Variants in PDE6C observed in about 807,000 individuals in gnomAD.
The protein encoded by PDE6C is phosphodiesterase 6C.
Under a neutral mutation model 113.1 loss-of-function variants are expected in PDE6C, and 75 were observed. The ratio of observed to expected loss-of-function variants is 0.66; its 90% CI spans 0.55 to 0.80. The LOEUF is 0.80. Ranked by LOEUF, PDE6C falls within the 30% of genes least tolerant of loss-of-function variation. The probability of loss-of-function intolerance (pLI) is 0.00; values close to 1 mark genes in which losing one functional copy is unlikely to be tolerated. For missense variants in PDE6C, 912 were observed against 1,038.6 expected (o/e 0.88, Z 1.67); for synonymous variants, 375 against 363.7 (o/e 1.03, Z -0.35).
At chr10:93,615,008 T>C (rs2058413428) in intron 1 of PDE6C, among the ~76,000 whole-genome samples, 1 of 152,186 alleles carries the variant, frequency 6.6e-6, no homozygotes, top group Non-Finnish European at 1.5e-5. Flanking sequence ...AAAACCATAT[T>C]AAGCTGTGTG....
chr10:93,634,702 G>A, intron 8 of PDE6C, 56 bp from the exon 9 acceptor site: 1 of 1,578,776 alleles, frequency 6.3e-7, no homozygotes, highest in Non-Finnish European at 8.7e-7. Flanking sequence ...GTGAATTTAT[G>A]ATTATTTCAA....
intron 7 of PDE6C, among the ~76,000 whole-genome samples, chr10:93,627,463 A>G (rs975210396): frequency 6.6e-6 from 1 of 152,142 alleles, no homozygotes; most frequent in Non-Finnish European, 1.5e-5. Flanking sequence ...TTTGGAATCC[A>G]ATGACTATGA....
chr10:93,630,664 C>T (rs112923892), intron 8 of PDE6C, among the ~76,000 whole-genome samples: 1 of 152,228 alleles, frequency 6.6e-6, no homozygotes, highest in African/African-American at 2.4e-5. Flanking sequence ...GTCTGTTTTT[C>T]TGTCTCTCTC....
At chr10:93,650,887 AT>A (rs911817054) in intron 15 of PDE6C, among the ~76,000 whole-genome samples, 1 of 151,090 alleles carries the variant, frequency 6.6e-6, no homozygotes, top group African/African-American at 2.4e-5. Flanking sequence ...TATATGATAT[AT>A]TTTTTTACCA....
At chr10:93,634,055 C>G (rs1270854752) in intron 8 of PDE6C, among the ~76,000 whole-genome samples, 1 of 151,840 alleles carries the variant, frequency 6.6e-6, no homozygotes, top group South Asian at 2.1e-4. Context: ...TGGAATTTCA[C>G]TCTGCTGCCC....
rs576377233 is a variant in PDE6C at position 93,638,168 on chromosome 10, C to CTGT, written c.1482+1107_1482+1109dup. ...TAATTTCCTTACTAACTGCTATAACCTGTTTTCCACCATCTCTTTCCGATC... is the reference window on the plus strand; with the variant it reads ...TAATTTCCTTACTAACTGCTATAACCTGTTGTTTTCCACCATCTCTTTCCGATC... On this transcript the variant is annotated intron_variant, in intron 11 of 21. Transcript: ENST00000371447. Among the ~76,000 whole-genome samples, 3 of 152,290 alleles carry CTGT rather than the reference C, an allele frequency of 2.0e-5. No individual in the cohort carries two copies. The East Asian group carries it at 5.8e-4, about 29-fold the overall frequency.
chr10:93,636,897 AT>A, intron 10 of PDE6C, 97 bp from the exon 11 acceptor site: 2 of 748,966 alleles, frequency 2.7e-6, no homozygotes, highest in Non-Finnish European at 2.4e-6. Context: ...CCTCCCACAT[AT>A]TTTAAATATA....
At chr10:93,660,731 T>C (rs547159723) in intron 18 of PDE6C, among the ~76,000 whole-genome samples, 12 of 152,158 alleles carry the variant, frequency 7.9e-5, no homozygotes, top group Non-Finnish European at 1.8e-4. Flanking sequence ...TCTTTATCGA[T>C]GAGGTCACCC....
chr10:93,652,453 ATGAG>A (rs1236212489), intron 15 of PDE6C, among the ~76,000 whole-genome samples: 2 of 152,210 alleles, frequency 1.3e-5, no homozygotes, highest in South Asian at 2.1e-4. Context: ...AAAAATGAAA[ATGAG>A]TGAGAAGAAA....
chr10:93,642,799 G>A (rs1456710637), intron 14 of PDE6C, among the ~76,000 whole-genome samples: 1 of 152,200 alleles, frequency 6.6e-6, no homozygotes, highest in Non-Finnish European at 1.5e-5. Flanking sequence ...ATTTCATTGA[G>A]CGAAAAGCAC....
intron 14 of PDE6C, 143 bp from the exon 15 acceptor site, chr10:93,645,817 C>A (rs1315352488): frequency 4.7e-6 from 3 of 643,360 alleles, no homozygotes; most frequent in Admixed American, 2.3e-5. Flanking sequence ...TCTAGAAAAT[C>A]TTTTCCAATA....
chr10:93,629,594 G>A (rs994820794), intron 8 of PDE6C, among the ~76,000 whole-genome samples: 14 of 152,192 alleles, frequency 9.2e-5, no homozygotes, highest in Admixed American at 2.0e-4. Flanking sequence ...ACCAGGGACC[G>A]GTTTTGTGGA....
At chr10:93,636,618 A>AT (rs1198813688) in intron 10 of PDE6C, among the ~76,000 whole-genome samples, 2 of 152,126 alleles carry the variant, frequency 1.3e-5, no homozygotes, top group Non-Finnish European at 2.9e-5. Flanking sequence ...CTTTAAAAAA[A>AT]CCAGCTACTG....
intron 8 of PDE6C, among the ~76,000 whole-genome samples, chr10:93,630,305 C>T (rs2058494510): frequency 6.6e-6 from 1 of 151,948 alleles, no homozygotes. Flanking sequence ...AACCTGGCTG[C>T]AGACCCGAGT....
intron 13 of PDE6C, 28 bp downstream of exon 13, chr10:93,640,585 T>C (rs374719894): frequency 1.4e-6 from 2 of 1,385,374 alleles, no homozygotes; most frequent in Non-Finnish European, 2.1e-6. Flanking sequence ...TAAATCCTTG[T>C]AAACCTGCAG....
intron 8 of PDE6C, among the ~76,000 whole-genome samples, chr10:93,630,983 T>C (rs891467067): frequency 1.3e-5 from 2 of 152,200 alleles, no homozygotes; most frequent in Non-Finnish European, 2.9e-5. Flanking sequence ...GCGACAATGA[T>C]TTTCTAGAGT....
chr10:93,634,737 G>A (rs201189532), intron 8 of PDE6C, 21 bp from the exon 9 acceptor site: 15 of 1,613,578 alleles, frequency 9.3e-6, no homozygotes, highest in East Asian at 4.5e-5. Context: ...AAAATAACTT[G>A]AGGTCCCTTC....
At chr10:93,645,203 G>A (rs987460269) in intron 14 of PDE6C, among the ~76,000 whole-genome samples, 4 of 151,940 alleles carry the variant, frequency 2.6e-5, no homozygotes, top group Admixed American at 6.6e-5. Flanking sequence ...AATTATGATC[G>A]ATTGTAATAT....
intron 8 of PDE6C, among the ~76,000 whole-genome samples, chr10:93,632,856 A>T (rs542679385): frequency 2.4e-4 from 37 of 152,334 alleles, no homozygotes; most frequent in African/African-American, 8.9e-4. Flanking sequence ...TAGAGTAGTA[A>T]CAAATTACTT....
Sources: allele counts gnomAD v4.1 joint callset (sites outside exome capture counted in the v4.1 genomes callset), GRCh38; gene constraint gnomAD v4.1.1; transcripts MANE v1.5; gene names NCBI Gene and HGNC (gene_info 2026-07-23, HGNC 2026-07-21).